ITPRID1: variants seen among roughly 807,000 people sequenced by gnomAD.
ITPRID1 encodes the protein protein ITPRID1.
A neutral mutation model predicts 95.4 loss-of-function variants in ITPRID1; 96 were observed. That is an observed-to-expected ratio of 1.01 (90% CI 0.85 to 1.19). The LOEUF (loss-of-function observed/expected upper bound fraction) is 1.19. Ranked by LOEUF, ITPRID1 falls within the 50% of genes most tolerant of loss-of-function variation. The probability of loss-of-function intolerance (pLI) is 0.00; values close to 1 mark genes in which losing one functional copy is unlikely to be tolerated. For synonymous variants in ITPRID1, 510 were observed against 453.6 expected (o/e 1.12, Z -1.58); for missense variants, 1,339 against 1,252.9 (o/e 1.07, Z -1.04).
rs1456785707 is a variant in ITPRID1 at position 31,572,099 on chromosome 7, T to C, written c.309-3T>C. ...CTCATTGTTGATATTTTCCCAACTG[T>C]AGATCTTTGCATCAGTTTTCAGAAA... On this transcript the variant is annotated splice_region_variant and splice_polypyrimidine_tract_variant and intron_variant, in intron 6 of 14. Coordinates refer to ENST00000615280, the MANE Select transcript of ITPRID1 (RefSeq NM_001257967.3). 2 of 1,593,642 alleles carry C rather than the reference T, an allele frequency of 1.3e-6. No individual in the cohort carries two copies. The highest frequency in any genetic ancestry group is 8.6e-7 in the Non-Finnish European group (1 of 1,162,540).
chr7:31,627,635 G>A (rs1052488085), intron 10 of ITPRID1, among the ~76,000 whole-genome samples: 1 of 111,538 alleles, frequency 9.0e-6, no homozygotes, highest in African/African-American at 3.4e-5. Flanking sequence ...AATCCAGCCT[G>A]AGCAACAGAG....
intron 10 of ITPRID1, among the ~76,000 whole-genome samples, chr7:31,598,050 C>T (rs1326324610): frequency 6.6e-6 from 1 of 151,994 alleles, no homozygotes; most frequent in Non-Finnish European, 1.5e-5. Context: ...GGTGGTTATC[C>T]ATATAGAAAA....
intron 7 of ITPRID1, among the ~76,000 whole-genome samples, chr7:31,572,976 T>C (rs1353733938): frequency 6.6e-6 from 1 of 152,178 alleles, no homozygotes; most frequent in East Asian, 1.9e-4. Context: ...TGATAACAGA[T>C]TAAATCTTTC....
At chr7:31,599,156 CA>C (rs1786235603) in intron 10 of ITPRID1, among the ~76,000 whole-genome samples, 1 of 151,820 alleles carries the variant, frequency 6.6e-6, no homozygotes, top group Non-Finnish European at 1.5e-5. Context: ...TTGTCAACAA[CA>C]TAAGGGCAAT....
At chr7:31,636,910 G>A (rs1789543907) in intron 10 of ITPRID1, among the ~76,000 whole-genome samples, 1 of 112,446 alleles carries the variant, frequency 8.9e-6, no homozygotes, top group African/African-American at 3.6e-5. Flanking sequence ...AACAGTCCCT[G>A]GTGTGTGATG....
At chr7:31,542,667 G>A (rs1006251318) in intron 1 of ITPRID1, among the ~76,000 whole-genome samples, 8 of 152,164 alleles carry the variant, frequency 5.3e-5, no homozygotes, top group Middle Eastern at 3.4e-3. Flanking sequence ...CAATATTAAC[G>A]TTTCATTTAT....
chr7:31,527,132 T>TTC (rs770334918), intron 1 of ITPRID1, among the ~76,000 whole-genome samples: 2 of 152,192 alleles, frequency 1.3e-5, no homozygotes, highest in Admixed American at 1.3e-4. Flanking sequence ...GCACATGCTG[T>TTC]TCTCTCTCCC....
intron 9 of ITPRID1, among the ~76,000 whole-genome samples, chr7:31,579,609 A>T (rs926771462): frequency 1.3e-5 from 2 of 152,222 alleles, no homozygotes; most frequent in African/African-American, 4.8e-5. Flanking sequence ...TGGGGCCGAG[A>T]GGATAAAGAA....
In ITPRID1 at chr7:31,514,418, A is replaced by G. The variant is rs558029762; in HGVS notation, c.-98+298A>G. Among the ~76,000 whole-genome samples the G allele has an allele frequency of 5.9e-5, 9 of 152,342 alleles. No individual in the cohort carries two copies. The South Asian group carries it at 1.0e-3, about 18-fold the overall frequency. The stretch of plus-strand genomic sequence containing the variant: ...ATAATGTTAAATGCTGTTGGTGATA[A>G]AGGAGTTGAAATGTAAGAAGGAATA... On this transcript the variant is annotated intron_variant, in intron 1 of 14. Coordinates refer to ENST00000615280, the MANE Select transcript of ITPRID1 (RefSeq NM_001257967.3).
rs762446815 is a variant in ITPRID1 at position 31,651,935 on chromosome 7, G to A, written c.2712-4G>A. On this transcript the variant is annotated splice_region_variant and splice_polypyrimidine_tract_variant and intron_variant, in intron 13 of 14. Coordinates refer to ENST00000615280, the MANE Select transcript of ITPRID1 (RefSeq NM_001257967.3). ...TTTGGTTATTTTCTATTATTTACTT[G>A]CAGGGAGGAGGCCGAGCAACTGCAA... The A allele has an allele frequency of 3.8e-6, 6 of 1,580,832 alleles. No homozygotes were observed. The East Asian group carries it at 1.2e-4, about 30-fold the overall frequency.
intron 10 of ITPRID1, among the ~76,000 whole-genome samples, chr7:31,600,284 GCTTTAA>G (rs1299557547): frequency 6.6e-6 from 1 of 152,164 alleles, no homozygotes; most frequent in Non-Finnish European, 1.5e-5. Flanking sequence ...GTATCAGAAA[GCTTTAA>G]CTTTATTTAC....
At chr7:31,608,454 A>G (rs941326496) in intron 10 of ITPRID1, among the ~76,000 whole-genome samples, 1 of 151,880 alleles carries the variant, frequency 6.6e-6, no homozygotes, top group Non-Finnish European at 1.5e-5. Context: ...CTTGGAGACT[A>G]TTGCCATCTT....
intron 1 of ITPRID1, among the ~76,000 whole-genome samples, chr7:31,523,777 ACAAT>A (rs1783341405): frequency 6.6e-6 from 1 of 152,232 alleles, no homozygotes; most frequent in African/African-American, 2.4e-5. Context: ...GGTATTTATA[ACAAT>A]GTAAGAATAG....
intron 5 of ITPRID1, among the ~76,000 whole-genome samples, chr7:31,562,333 G>T (rs562179706): frequency 7.9e-5 from 12 of 152,236 alleles, no homozygotes; most frequent in Admixed American, 3.9e-4. Context: ...AACTCCTACA[G>T]CAAAAAGACA....
intron 10 of ITPRID1, among the ~76,000 whole-genome samples, chr7:31,625,511 C>G (rs1788368806): frequency 1.3e-5 from 2 of 152,124 alleles, no homozygotes; most frequent in African/African-American, 4.8e-5. Context: ...TCTCAATAAA[C>G]TATTGCAAGA....
intron 10 of ITPRID1, among the ~76,000 whole-genome samples, chr7:31,629,384 T>A (rs904023569): frequency 6.6e-6 from 1 of 152,172 alleles, no homozygotes; most frequent in African/African-American, 2.4e-5. Flanking sequence ...ACCAAACCCC[T>A]GATTACTCCA....
At chr7:31,614,405 T>C (rs1052383931) in intron 10 of ITPRID1, among the ~76,000 whole-genome samples, 1 of 152,096 alleles carries the variant, frequency 6.6e-6, no homozygotes, top group African/African-American at 2.4e-5. Context: ...GAGTTTCAGA[T>C]TTACACTTAT....
intron 10 of ITPRID1, among the ~76,000 whole-genome samples, chr7:31,601,582 A>G (rs1786394537): frequency 6.6e-6 from 1 of 152,210 alleles, no homozygotes; most frequent in African/African-American, 2.4e-5. Context: ...CCTGAGACTC[A>G]GAAGATACTG....
At chr7:31,650,418 G>C (rs2128218981) in intron 12 of ITPRID1, among the ~76,000 whole-genome samples, 1 of 152,234 alleles carries the variant, frequency 6.6e-6, no homozygotes, top group African/African-American at 2.4e-5. Context: ...GGAGCTGCAG[G>C]AATATATTTA....
Sources: gnomAD v4.1 joint callset for allele counts (sites outside exome capture counted in the v4.1 genomes callset) on GRCh38, gnomAD v4.1.1 for gene constraint, MANE v1.5 for transcripts, NCBI Gene and HGNC (gene_info 2026-07-23, HGNC 2026-07-21) for gene names.